Variants in RBFOX1 observed in about 807,000 individuals in gnomAD.
RBFOX1 encodes the protein RNA binding fox-1 homolog 1.
RBFOX1 carries 8 observed loss-of-function variants against 57.7 expected under a neutral mutation model. The observed-to-expected ratio is 0.14, with a 90% CI of 0.08 to 0.25. RBFOX1 has a LOEUF of 0.25. RBFOX1 is among the 10% of genes least tolerant of loss of function. RBFOX1 has a pLI of 1.00. For missense variants in RBFOX1, 611 were observed against 548.5 expected (o/e 1.11, Z -1.14); for synonymous variants, 326 against 222.4 (o/e 1.47, Z -4.15).
intron 3 of RBFOX1, among the ~76,000 whole-genome samples, chr16:6,702,466 A>G (rs953105648): frequency 6.6e-6 from 1 of 152,108 alleles, no homozygotes; most frequent in Non-Finnish European, 1.5e-5. Context: ...AGGCAGGAGA[A>G]TTGCTTGAGC....
chr16:7,118,539 C>G (rs895071579), intron 4 of RBFOX1, among the ~76,000 whole-genome samples: 2 of 152,068 alleles, frequency 1.3e-5, no homozygotes, highest in African/African-American at 4.8e-5. Context: ...ACAATTCATC[C>G]ATGTAAGCAA....
chr16:6,887,887 C>G (rs1174891003), intron 3 of RBFOX1, among the ~76,000 whole-genome samples: 1 of 152,058 alleles, frequency 6.6e-6, no homozygotes, highest in East Asian at 1.9e-4. Flanking sequence ...GTCTCGAACT[C>G]CAGACTTCAA....
intron 3 of RBFOX1, among the ~76,000 whole-genome samples, chr16:5,664,056 C>G (rs1248859542): frequency 6.6e-6 from 1 of 152,202 alleles, no homozygotes; most frequent in Non-Finnish European, 1.5e-5. Context: ...AGCACACTGT[C>G]TTCTCTCGTA....
intron 2 of RBFOX1, among the ~76,000 whole-genome samples, chr16:5,550,003 G>A (rs901326096): frequency 1.1e-4 from 16 of 152,316 alleles, no homozygotes; most frequent in African/African-American, 3.6e-4. Flanking sequence ...CAATGTCTCA[G>A]CCCAGCTGGT....
chr16:7,120,069 C>G (rs1046095017), intron 4 of RBFOX1, among the ~76,000 whole-genome samples: 1 of 152,100 alleles, frequency 6.6e-6, no homozygotes, highest in African/African-American at 2.4e-5. Flanking sequence ...TCTAAAAGCA[C>G]TTGGAAATTA....
At chr16:5,405,305 G>A (rs2066835047) in intron 1 of RBFOX1, among the ~76,000 whole-genome samples, 1 of 152,180 alleles carries the variant, frequency 6.6e-6, no homozygotes, top group African/African-American at 2.4e-5. Context: ...AGGACCTGGT[G>A]GGAAGTAACT....
chr16:6,896,430 T>G (rs376443537), intron 3 of RBFOX1, among the ~76,000 whole-genome samples: 1 of 152,206 alleles, frequency 6.6e-6, no homozygotes, highest in African/African-American at 2.4e-5. Context: ...TTCCCCTCTT[T>G]CAGCCCTGGT....
chr16:5,554,237 C>G (rs1337366215), intron 2 of RBFOX1, among the ~76,000 whole-genome samples: 2 of 152,046 alleles, frequency 1.3e-5, no homozygotes, highest in Admixed American at 6.6e-5. Flanking sequence ...TCCGGAAGTG[C>G]TGGGATTACA....
intron 3 of RBFOX1, among the ~76,000 whole-genome samples, chr16:5,703,846 A>G (rs2051141201): frequency 6.6e-6 from 1 of 152,238 alleles, no homozygotes; most frequent in Admixed American, 6.5e-5. Flanking sequence ...ATTATTATCT[A>G]CATGTTATAG....
chr16:5,932,074 G>A (rs1358356718), intron 4 of RBFOX1, among the ~76,000 whole-genome samples: 6 of 152,134 alleles, frequency 3.9e-5, no homozygotes, highest in African/African-American at 1.2e-4. Context: ...AAAGTGTTGC[G>A]GATTGCAGGA....
At chr16:5,849,828 A>G (rs1484283191) in intron 3 of RBFOX1, among the ~76,000 whole-genome samples, 1 of 152,096 alleles carries the variant, frequency 6.6e-6, no homozygotes, top group Non-Finnish European at 1.5e-5. Flanking sequence ...ATTTGTTCCC[A>G]AGAAGTATTC....
intron 3 of RBFOX1, among the ~76,000 whole-genome samples, chr16:6,726,069 C>T (rs900613719): frequency 6.6e-6 from 1 of 152,140 alleles, no homozygotes; most frequent in Non-Finnish European, 1.5e-5. Context: ...GTGTTGACTC[C>T]TACGTGATTA....
intron 4 of RBFOX1, among the ~76,000 whole-genome samples, chr16:7,295,102 T>C (rs2095864463): frequency 6.6e-6 from 1 of 152,176 alleles, no homozygotes; most frequent in African/African-American, 2.4e-5. Flanking sequence ...CTTGACCTGA[T>C]GTTGTGTGAG....
At chr16:5,277,326 G>C (rs1483990070) in intron 1 of RBFOX1, among the ~76,000 whole-genome samples, 2 of 151,998 alleles carry the variant, frequency 1.3e-5, no homozygotes, top group African/African-American at 2.4e-5. Context: ...GGGGGTGAGA[G>C]ATAAAAGACT....
At chr16:6,945,638 C>G (rs946659095) in intron 3 of RBFOX1, among the ~76,000 whole-genome samples, 1 of 152,006 alleles carries the variant, frequency 6.6e-6, no homozygotes, top group Non-Finnish European at 1.5e-5. Flanking sequence ...CGCCTGTAAT[C>G]CCAGCACTTT....
chr16:6,359,607 C>T (rs568299947), intron 2 of RBFOX1, among the ~76,000 whole-genome samples: 49 of 152,290 alleles, frequency 3.2e-4, no homozygotes, highest in African/African-American at 1.1e-3. Context: ...GGAAAAAGCA[C>T]TTGAACCAGA....
intron 1 of RBFOX1, among the ~76,000 whole-genome samples, chr16:6,298,823 G>C (rs1467114746): frequency 3.9e-5 from 6 of 152,160 alleles, no homozygotes; most frequent in Non-Finnish European, 5.9e-5. Context: ...TATTTAAATG[G>C]ATCATGCCAC....
In RBFOX1 at chr16:5,484,263, C is replaced by G. The variant is rs562063546; in HGVS notation, c.258+17009C>G. ...TCTGCTTCTCAATTCACCCATGAAT[C>G]TGGCTGGACAGAGCCCTTCAGTTCT... On this transcript the variant is annotated intron_variant, in intron 2 of 2. Coordinates refer to the RBFOX1 transcript ENST00000585867. Among the ~76,000 whole-genome samples, 9 of 152,352 alleles carry G rather than the reference C, an allele frequency of 5.9e-5. No homozygotes were observed. The East Asian group carries it at 1.2e-3, about 20-fold the overall frequency.
chr16:6,584,313 A>AAT (rs929566089), intron 2 of RBFOX1, among the ~76,000 whole-genome samples: 7 of 149,518 alleles, frequency 4.7e-5, no homozygotes, highest in African/African-American at 1.5e-4. Context: ...AAGAGCAGAG[A>AAT]ACAGCAGAAA....
Sources: gnomAD v4.1 joint callset for allele counts (sites outside exome capture counted in the v4.1 genomes callset) on GRCh38, gnomAD v4.1.1 for gene constraint, MANE v1.5 for transcripts, NCBI Gene and HGNC (gene_info 2026-07-23, HGNC 2026-07-21) for gene names.